The following ADAMTS17 variants were observed in gnomAD, a reference collection of about 807,000 sequenced individuals.
ADAMTS17 encodes A disintegrin and metalloproteinase with thrombospondin motifs 17.
A neutral mutation model predicts 141.5 loss-of-function variants in ADAMTS17; 113 were observed. The observed-to-expected ratio is 0.80, with a 90% CI of 0.69 to 0.93. The LOEUF is 0.93. ADAMTS17 is among the 40% of genes least tolerant of loss of function. The pLI is 0.00. For synonymous variants in ADAMTS17, 768 were observed against 630.6 expected (o/e 1.22, Z -3.27); for missense variants, 1,659 against 1,517.9 (o/e 1.09, Z -1.54).
Position 99,974,263 on chromosome 15 carries a change from C to T in ADAMTS17, c.*139G>A, listed in dbSNP as rs774049674. The T allele has an allele frequency of 2.4e-5, 27 of 1,130,964 alleles. No homozygotes were observed. Among genetic ancestry groups the T allele is most frequent in the East Asian group, 4.8e-5 (2 of 41,290 alleles). 70.1% of individuals were successfully genotyped at this position (1,130,964 alleles called of 1,614,324 possible). A position where few individuals can be genotyped will look rare whatever the true frequency, so the allele number is the denominator to read the frequency against. ...TAAGTACGGAAGCACTAATGGCAAA[C>T]GCCAAGTCCACGCTCATGTTCTATG... On this transcript the variant is annotated 3_prime_UTR_variant, in exon 22 of 22. Transcript: ENST00000268070.
At chr15:100,056,372 C>CTTT (rs2032567177) in intron 15 of ADAMTS17, among the ~76,000 whole-genome samples, 1 of 149,406 alleles carries the variant, frequency 6.7e-6, no homozygotes, top group African/African-American at 2.5e-5. Context: ...CAGCAGTCCC[C>CTTT]AGGACTGCTT....
chr15:100,288,535 AC>A (rs1180257055), intron 3 of ADAMTS17, among the ~76,000 whole-genome samples: 3 of 151,882 alleles, frequency 2.0e-5, no homozygotes, highest in African/African-American at 7.3e-5. Context: ...CAACTACAAA[AC>A]TCTCCGCCCA....
intron 4 of ADAMTS17, among the ~76,000 whole-genome samples, chr15:100,276,454 G>A (rs1171459270): frequency 1.1e-5 from 1 of 94,182 alleles, no homozygotes; most frequent in African/African-American, 4.3e-5. Context: ...GGGAGGGGGT[G>A]GGTGCCTGGT....
At chr15:100,282,431 C>G (rs1173524038) in intron 3 of ADAMTS17, among the ~76,000 whole-genome samples, 1 of 152,238 alleles carries the variant, frequency 6.6e-6, no homozygotes, top group African/African-American at 2.4e-5. Flanking sequence ...AGCCCTACAT[C>G]TACTAGACTA....
chr15:100,115,204 T>A (rs11247153), intron 13 of ADAMTS17, among the ~76,000 whole-genome samples: 22,374 of 152,212 alleles, frequency 0.15, 2,005 homozygotes, highest in Admixed American at 0.21. Context: ...GGGGTCTGCG[T>A]GTGCCTGACA....
chr15:99,983,536 G>GATCCC (rs2060523021), intron 20 of ADAMTS17, among the ~76,000 whole-genome samples: 1 of 152,154 alleles, frequency 6.6e-6, no homozygotes, highest in Non-Finnish European at 1.5e-5. Flanking sequence ...AATAACACCA[G>GATCCC]ATCCCAACAG....
At chr15:100,080,871 G>T (rs373001464) in intron 15 of ADAMTS17, among the ~76,000 whole-genome samples, 44 of 152,324 alleles carry the variant, frequency 2.9e-4, no homozygotes, top group East Asian at 3.9e-4. Flanking sequence ...GATAGCTGTA[G>T]TATGTTAGGG....
At chr15:100,241,895 C>A (rs1651412121) in intron 7 of ADAMTS17, among the ~76,000 whole-genome samples, 1 of 152,314 alleles carries the variant, frequency 6.6e-6, no homozygotes, top group African/African-American at 2.4e-5. Flanking sequence ...AAACTGAAGT[C>A]CTAAATAGTA....
At chr15:100,328,615 C>CCCACCCCACCCTGATTTTG (rs1284552194) in intron 3 of ADAMTS17, among the ~76,000 whole-genome samples, 65 of 152,288 alleles carry the variant, frequency 4.3e-4, no homozygotes, top group African/African-American at 1.5e-3. Flanking sequence ...TTCCATCACA[C>CCCACCCCACCCTGATTTTG]CCACCCCACC....
intron 8 of ADAMTS17, among the ~76,000 whole-genome samples, chr15:100,185,448 C>G (rs2040679922): frequency 6.6e-6 from 1 of 152,190 alleles, no homozygotes; most frequent in Admixed American, 6.5e-5. Flanking sequence ...GTCACAGAAT[C>G]AAGAACATGA....
intron 3 of ADAMTS17, among the ~76,000 whole-genome samples, chr15:100,296,656 G>A (rs2044833575): frequency 6.6e-6 from 1 of 152,042 alleles, no homozygotes; most frequent in South Asian, 2.1e-4. Flanking sequence ...ATATGATTAA[G>A]ATCCCAAATG....
At chr15:100,245,415 T>C (rs1161029558) in intron 7 of ADAMTS17, among the ~76,000 whole-genome samples, 2 of 152,262 alleles carry the variant, frequency 1.3e-5, no homozygotes, top group African/African-American at 4.8e-5. Context: ...TGCTCAGCCC[T>C]CTTGCTTTCC....
At chr15:100,217,664 G>A (rs149331085) in intron 7 of ADAMTS17, among the ~76,000 whole-genome samples, 22 of 152,246 alleles carry the variant, frequency 1.4e-4, no homozygotes, top group Admixed American at 1.3e-4. Flanking sequence ...TCATAGGTAT[G>A]ATACCAAAAG....
intron 10 of ADAMTS17, among the ~76,000 whole-genome samples, chr15:100,144,244 T>C (rs933132894): frequency 6.6e-6 from 1 of 152,180 alleles, no homozygotes; most frequent in Non-Finnish European, 1.5e-5. Flanking sequence ...ACAATTTACA[T>C]GGTATAAAAA....
chr15:100,090,756 C>G (rs2035406515), intron 15 of ADAMTS17, among the ~76,000 whole-genome samples: 1 of 152,146 alleles, frequency 6.6e-6, no homozygotes, highest in South Asian at 2.1e-4. Context: ...GCCTGTAATT[C>G]CAGCACTTTG....
intron 8 of ADAMTS17, among the ~76,000 whole-genome samples, chr15:100,163,146 TACATATATACAC>T (rs2039807930): frequency 6.6e-6 from 1 of 151,874 alleles, no homozygotes; most frequent in Non-Finnish European, 1.5e-5. Flanking sequence ...TACACGTACG[TACATATATACAC>T]ACATACATCT....
At chr15:100,240,635 T>C (rs1434956468) in intron 7 of ADAMTS17, among the ~76,000 whole-genome samples, 1 of 152,150 alleles carries the variant, frequency 6.6e-6, no homozygotes, top group Non-Finnish European at 1.5e-5. Flanking sequence ...CTTCCAGCAG[T>C]TCCCCCACAG....
intron 8 of ADAMTS17, among the ~76,000 whole-genome samples, chr15:100,161,843 A>T (rs1316034613): frequency 6.6e-6 from 1 of 152,206 alleles, no homozygotes; most frequent in Admixed American, 6.5e-5. Context: ...CGGAGAACAA[A>T]ACAAATAGGC....
chr15:100,036,028 C>T (rs2030673448), intron 18 of ADAMTS17, among the ~76,000 whole-genome samples: 1 of 152,140 alleles, frequency 6.6e-6, no homozygotes, highest in Admixed American at 6.5e-5. Context: ...AGTTCCAAAC[C>T]CAACCAGCCT....
Sources: allele counts gnomAD v4.1 joint callset (sites outside exome capture counted in the v4.1 genomes callset), GRCh38; gene constraint gnomAD v4.1.1; transcripts MANE v1.5; gene names NCBI Gene and HGNC (gene_info 2026-07-23, HGNC 2026-07-21).